Variants in BPNT2 observed in about 807,000 individuals in gnomAD.
The protein encoded by BPNT2 is Golgi-resident adenosine 3',5'-bisphosphate 3'-phosphatase.
In BPNT2, 11 loss-of-function variants were observed where a neutral mutation model predicts 29.3. The observed-to-expected ratio is 0.38, with a 90% CI of 0.24 to 0.62. The LOEUF (loss-of-function observed/expected upper bound fraction) is 0.62. BPNT2 is among the 20% of genes least tolerant of loss of function. BPNT2 has a pLI of 0.62. For missense variants in BPNT2, 459 were observed against 473.4 expected, an observed-to-expected ratio of 0.97 and a Z score of 0.28; for synonymous variants, 195 against 187.7, an observed-to-expected ratio of 1.04 and a Z score of -0.32.
rs186787142 is a variant in BPNT2, at chr8:56,970,863, G to A, written c.647-4511C>T. The stretch of plus-strand genomic sequence containing the variant: ...ATATAAGTATTCATTATAATTTTAC[G>A]TTTGTTTGAAATTATTCATAAAAGT... On this transcript the variant is annotated intron_variant, in intron 3 of 4. Transcript: ENST00000262644. Among the ~76,000 whole-genome samples the A allele has an allele frequency of 2.9e-3, 447 of 151,858 alleles. 4 individuals are homozygous for A. Among genetic ancestry groups the A allele is most frequent in the African/African-American group, 0.01 (415 of 41,420 alleles).
chr8:56,961,378 A>C lies in BPNT2; in HGVS notation c.*2415T>G, dbSNP rs1805830211. On this transcript the variant is annotated 3_prime_UTR_variant, in exon 5 of 5. Coordinates refer to ENST00000262644, the MANE Select transcript of BPNT2 (RefSeq NM_017813.5). ...AATACTGTTCCTAATTCTGCAACGTATATTGGCTTTTAAAAACAAACAATT... is the reference window on the plus strand; with the variant it reads ...AATACTGTTCCTAATTCTGCAACGTCTATTGGCTTTTAAAAACAAACAATT... 2 of 152,158 alleles carry C rather than the reference A, an allele frequency of 1.3e-5. No homozygotes were observed. Among genetic ancestry groups the C allele is most frequent in the Admixed American group, 6.6e-5 (1 of 15,260 alleles). The allele number at this position is 152,158 out of a possible 1,614,324, so 9.4% of individuals were successfully genotyped here.
At chr8:56,966,427 G>C in intron 3 of BPNT2, 75 bp from the exon 4 acceptor site, 1 of 1,286,200 alleles carries the variant, frequency 7.8e-7, no homozygotes, top group Admixed American at 1.7e-5. Context: ...AGAACCCAAA[G>C]TGCTATGTAT....
At chr8:56,977,183 G>GTTCC (rs1806155172) in intron 3 of BPNT2, among the ~76,000 whole-genome samples, 12 of 152,106 alleles carry the variant, frequency 7.9e-5, no homozygotes, top group Non-Finnish European at 2.9e-5. Context: ...AAACGTTTCA[G>GTTCC]ATAATGGATA....
At chr8:56,966,495 G>A (rs1438099444) in intron 3 of BPNT2, 143 bp from the exon 4 acceptor site, 7 of 736,864 alleles carry the variant, frequency 9.5e-6, no homozygotes. Context: ...AAAACAGAAA[G>A]CTTTTTTTTT....
At position 56,989,478 on chromosome 8, in the gene BPNT2, T is replaced by C. The variant is rs529935534; in HGVS notation, c.387+3721A>G. Among the ~76,000 whole-genome samples the C allele has an allele frequency of 2.0e-5, 3 of 152,296 alleles. 1 individual carries two copies. The highest frequency in any genetic ancestry group is 7.2e-5 in the African/African-American group (3 of 41,562). On this transcript the variant is annotated intron_variant, in intron 1 of 4. Coordinates refer to ENST00000262644, the MANE Select transcript of BPNT2 (RefSeq NM_017813.5). ...AGAGGCTGTAGTACTTAACCTCCTT[T>C]GTTGTTGTGAAGATAAAATTAATAA...
At chr8:56,978,883 C>T (rs1219359294) in intron 2 of BPNT2, among the ~76,000 whole-genome samples, 1 of 152,064 alleles carries the variant, frequency 6.6e-6, no homozygotes, top group East Asian at 1.9e-4. Context: ...ACACTGGGGC[C>T]TTTCAGAGGA....
In BPNT2 at chr8:56,962,784, G is replaced by A. The variant is rs1334085140; in HGVS notation, c.*1009C>T. The A allele has an allele frequency of 6.6e-6, 1 of 151,952 alleles. No individual in the cohort carries two copies. The highest frequency in any genetic ancestry group is 1.5e-5 in the Non-Finnish European group (1 of 67,992). 9.4% of individuals were successfully genotyped at this position (151,952 alleles called of 1,614,324 possible). ...ACCATACTCATTCTTGATAATGAAA[G>A]GATCTTCTATATACAAACCTAGCAA... is the stretch of plus-strand genomic sequence containing the variant. On this transcript the variant is annotated 3_prime_UTR_variant, in exon 5 of 5. Transcript: ENST00000262644.
In BPNT2 at chr8:56,966,477, T is replaced by C. The variant is rs535065188; in HGVS notation, c.647-125A>G. 1.2e-5 allele frequency: 10 copies of C among 840,126 alleles called. No individual in the cohort carries two copies. The Admixed American group carries it at 1.3e-4, about 11-fold the overall frequency. The allele number at this position is 840,126 out of a possible 1,614,324, so 52.0% of individuals were successfully genotyped here. On this transcript the variant is annotated intron_variant, in intron 3 of 4. Transcript: ENST00000262644. The stretch of plus-strand genomic sequence containing the variant: ...CTCTCTTCTAAAAAATTATTTGTAT[T>C]TTCCCCCAAAACAGAAAGCTTTTTT...
intron 1 of BPNT2, among the ~76,000 whole-genome samples, chr8:56,991,698 G>A (rs1585570455): frequency 1.3e-5 from 2 of 152,136 alleles, no homozygotes; most frequent in South Asian, 2.1e-4. Flanking sequence ...GAAGTCCTGT[G>A]TAGCCAGTAT....
rs1166388532 is a variant in BPNT2 at position 56,983,384 on chromosome 8, C to A, written c.388-3187G>T. Among the ~76,000 whole-genome samples the A allele has an allele frequency of 4.6e-5, 7 of 152,174 alleles. No individual in the cohort carries two copies. In the East Asian group the frequency reaches 5.8e-4, roughly 13 times the overall value. On this transcript the variant is annotated intron_variant, in intron 1 of 4. Transcript: ENST00000262644. ...CCCAATAAATAACAAATGAAAAGAT[C>A]CTAAGGTGGGAATGTGCCTGGTGTG...
At chr8:56,993,064 T>A (rs917987756) in intron 1 of BPNT2, 135 bp downstream of exon 1, 17 of 1,514,324 alleles carry the variant, frequency 1.1e-5, no homozygotes, top group Admixed American at 2.0e-5. Flanking sequence ...TCTGACCTTG[T>A]GCACGTTAAC....
intron 4 of BPNT2, among the ~76,000 whole-genome samples, chr8:56,965,326 G>GAA (rs1211968470): frequency 6.6e-6 from 1 of 151,944 alleles, no homozygotes; most frequent in Non-Finnish European, 1.5e-5. Flanking sequence ...CTCAAAAAAA[G>GAA]AAAAAACAAA....
At chr8:56,964,307 T>C (rs1313501517) in intron 4 of BPNT2, 1 of 353,562 alleles carries the variant, frequency 2.8e-6, no homozygotes, top group South Asian at 3.3e-5. Flanking sequence ...TATTTATTTA[T>C]TTATTTTTTG....
At chr8:56,990,928 A>C (rs1167150521) in intron 1 of BPNT2, among the ~76,000 whole-genome samples, 1 of 152,220 alleles carries the variant, frequency 6.6e-6, no homozygotes, top group Non-Finnish European at 1.5e-5. Flanking sequence ...TAAAAGAAAG[A>C]AGTATCTGTT....
chr8:56,993,558 G>A lies in BPNT2; in HGVS notation c.28C>T (p.Pro10Ser). The change falls in exon 1 of 5, where the codon CCA becomes TCA. Residue 10 changes from proline (P) to serine (S), a missense_variant. Transcript: ENST00000262644. MAPMGIRLSPLGVAVFCLLG... is the reference protein window; with the variant it reads MAPMGIRLSSLGVAVFCLLG... The stretch of plus-strand genomic sequence containing the variant: ...AGGCAAAACACTGCCACCCCCAGTG[G>A]GGAAAGGCGGATGCCCATGGGGGCC... 2 of 1,479,002 alleles carry A rather than the reference G, an allele frequency of 1.4e-6. No individual in the cohort carries two copies. Among genetic ancestry groups the A allele is most frequent in the Non-Finnish European group, 1.8e-6 (2 of 1,113,934 alleles). The allele number at this position is 1,479,002 out of a possible 1,614,324, so 91.6% of individuals were successfully genotyped here.
At chr8:56,990,901 T>A (rs1806406818) in intron 1 of BPNT2, among the ~76,000 whole-genome samples, 1 of 152,280 alleles carries the variant, frequency 6.6e-6, no homozygotes, top group South Asian at 2.1e-4. Context: ...TTTCTACATT[T>A]ACATAGGGCA....
chr8:56,977,973 T>C, intron 3 of BPNT2, 77 bp downstream of exon 3: 3 of 939,364 alleles, frequency 3.2e-6, no homozygotes. Flanking sequence ...GGATACAAAT[T>C]TAGGTACATG....
chr8:56,988,339 G>A (rs1166946256), intron 1 of BPNT2, among the ~76,000 whole-genome samples: 2 of 152,132 alleles, frequency 1.3e-5, no homozygotes, highest in African/African-American at 2.4e-5. Flanking sequence ...GAGTTCAAAT[G>A]CCAACTCCTC....
intron 3 of BPNT2, among the ~76,000 whole-genome samples, chr8:56,969,482 A>C (rs1805999133): frequency 6.6e-6 from 1 of 152,230 alleles, no homozygotes; most frequent in Non-Finnish European, 1.5e-5. Flanking sequence ...AATAAGGTAA[A>C]AGAATAAAGG....
Sources: allele counts gnomAD v4.1 joint callset (sites outside exome capture counted in the v4.1 genomes callset), GRCh38; gene constraint gnomAD v4.1.1; transcripts MANE v1.5; gene names NCBI Gene and HGNC (gene_info 2026-07-23, HGNC 2026-07-21).